Variants in LYN observed in about 807,000 individuals in gnomAD.
The protein encoded by LYN is tyrosine-protein kinase Lyn.
LYN carries 12 observed loss-of-function variants against 65.0 expected under a neutral mutation model. That is an observed-to-expected ratio of 0.18 (90% confidence interval 0.12 to 0.30). The LOEUF is 0.30. Ranked by LOEUF, LYN falls within the 10% of genes least tolerant of loss-of-function variation. LYN has a pLI of 1.00. For synonymous variants in LYN, 222 were observed against 221.2 expected (o/e 1.00, Z -0.03); for missense variants, 380 against 623.2 (o/e 0.61, Z 4.16).
At chr8:55,984,016 C>A (rs904623796) in intron 10 of LYN, among the ~76,000 whole-genome samples, 1 of 152,104 alleles carries the variant, frequency 6.6e-6, no homozygotes, top group Non-Finnish European at 1.5e-5. Flanking sequence ...CTGGCAGCTC[C>A]GATGTTCCAT....
Position 55,895,801 on chromosome 8 carries a change from G to T in LYN, c.-6+15698G>T, listed in dbSNP as rs538115510. On this transcript the variant is annotated intron_variant, in intron 1 of 12. Coordinates refer to ENST00000519728, the MANE Select transcript of LYN (RefSeq NM_002350.4). Reference sequence around the variant, plus strand: ...AGGATTAAACGGGGTAATGTACCTGGGAGTTCCTTGAAGAGTCTAATTTTC... The same window carrying T: ...AGGATTAAACGGGGTAATGTACCTGTGAGTTCCTTGAAGAGTCTAATTTTC... 3.9e-5 allele frequency: 6 copies of T among 152,170 alleles called. No homozygotes were observed. The South Asian group carries it at 1.2e-3, about 32-fold the overall frequency. 9.4% of individuals were successfully genotyped at this position (152,170 alleles called of 1,614,324 possible).
chr8:55,954,532 A>G (rs898644908), intron 8 of LYN, among the ~76,000 whole-genome samples: 1 of 152,188 alleles, frequency 6.6e-6, no homozygotes, highest in African/African-American at 2.4e-5. Flanking sequence ...TCATCTACCT[A>G]CTTTAAAAAA....
intron 12 of LYN, among the ~76,000 whole-genome samples, chr8:56,000,510 C>T (rs184825691): frequency 2.7e-3 from 411 of 151,770 alleles, no homozygotes; most frequent in Non-Finnish European, 4.7e-3. Context: ...GGGTGAATCA[C>T]GAGGTCAGGA....
At position 55,887,614 on chromosome 8, in the gene LYN, A is replaced by ATT. The variant is rs66536728; in HGVS notation, c.-6+7520_-6+7521dup. Among the ~76,000 whole-genome samples the ATT allele has an allele frequency of 8.8e-5, 11 of 124,642 alleles. 1 individual carries two copies. Among genetic ancestry groups the ATT allele is most frequent in the African/African-American group, 1.7e-4 (6 of 34,448 alleles). The allele number at this position is 124,642 out of a possible 152,430, so 81.8% of individuals were successfully genotyped here. ...CACACACACACACACATATATATAT[A>ATT]TTTTTTTTTTCCTGAGACAGAGTCT... On this transcript the variant is annotated intron_variant, in intron 1 of 12. Coordinates refer to ENST00000519728, the MANE Select transcript of LYN (RefSeq NM_002350.4).
intron 8 of LYN, among the ~76,000 whole-genome samples, chr8:55,961,821 TCGACC>T (rs1807285130): frequency 6.6e-6 from 1 of 152,158 alleles, no homozygotes. Flanking sequence ...AACTGGTGTG[TCGACC>T]TCTGAGAGGA....
At chr8:55,940,064 CG>C (rs1349924103) in intron 1 of LYN, among the ~76,000 whole-genome samples, 2 of 152,212 alleles carry the variant, frequency 1.3e-5, no homozygotes, top group African/African-American at 4.8e-5. Context: ...GGCCTGGACG[CG>C]TGGCAGCGAT....
chr8:55,898,398 C>T (rs1372497423), intron 1 of LYN, among the ~76,000 whole-genome samples: 2 of 152,164 alleles, frequency 1.3e-5, no homozygotes, highest in Admixed American at 1.3e-4. Flanking sequence ...AAGCAATCCT[C>T]CCATCTCAGC....
At chr8:55,917,841 A>G (rs962803959) in intron 1 of LYN, among the ~76,000 whole-genome samples, 2 of 152,354 alleles carry the variant, frequency 1.3e-5, no homozygotes, top group Admixed American at 6.5e-5. Flanking sequence ...GATTTTCCCA[A>G]ATCTCCTGAT....
rs538632910 is a variant in LYN, at chr8:55,979,713, C to T, written c.1050+9920C>T. ...CAGGCCTCCACCCAGCACAGCTCTGCAGATCTCACCCTGATTCAGCGTCAC... is the reference window on the plus strand; with the variant it reads ...CAGGCCTCCACCCAGCACAGCTCTGTAGATCTCACCCTGATTCAGCGTCAC... On this transcript the variant is annotated intron_variant, in intron 10 of 12. Coordinates refer to ENST00000519728, the MANE Select transcript of LYN (RefSeq NM_002350.4). 5.8e-4 allele frequency among the ~76,000 whole-genome samples: 88 copies of T among 152,310 alleles called. 1 individual carries two copies. The highest frequency in any genetic ancestry group is 2.0e-3 in the African/African-American group (83 of 41,560).
intron 10 of LYN, among the ~76,000 whole-genome samples, chr8:55,993,046 G>T (rs544311405): frequency 3.3e-5 from 5 of 152,150 alleles, no homozygotes; most frequent in African/African-American, 1.2e-4. Flanking sequence ...GATCCCTTAG[G>T]GGTGATAAAA....
At chr8:55,972,769 T>C (rs1459575070) in intron 10 of LYN, among the ~76,000 whole-genome samples, 1 of 152,230 alleles carries the variant, frequency 6.6e-6, no homozygotes, top group Non-Finnish European at 1.5e-5. Context: ...GGGGCCCAGA[T>C]ACTTCGATAA....
At chr8:55,948,828 A>T (rs560220677) in intron 4 of LYN, among the ~76,000 whole-genome samples, 1 of 152,316 alleles carries the variant, frequency 6.6e-6, no homozygotes, top group East Asian at 1.9e-4. Flanking sequence ...ATAAAATGGG[A>T]ATGACAGTAC....
chr8:55,980,546 C>T (rs893886126), intron 10 of LYN: 2 of 152,278 alleles, frequency 1.3e-5, no homozygotes, highest in Non-Finnish European at 2.9e-5. Flanking sequence ...ACAGTTGCTT[C>T]TTAACTGGTG....
chr8:55,890,846 G>A (rs1804938786), intron 1 of LYN, among the ~76,000 whole-genome samples: 2 of 151,540 alleles, frequency 1.3e-5, no homozygotes, highest in African/African-American at 2.4e-5. Context: ...TCCCACCTCA[G>A]CCTCTTGAGT....
intron 10 of LYN, among the ~76,000 whole-genome samples, chr8:55,970,655 C>T (rs182695012): frequency 1.3e-5 from 2 of 152,110 alleles, no homozygotes; most frequent in South Asian, 4.1e-4. Context: ...GAAATTGCTA[C>T]GGCCTTCTTG....
chr8:55,911,969 G>C (rs1805652010), intron 1 of LYN, among the ~76,000 whole-genome samples: 1 of 152,066 alleles, frequency 6.6e-6, no homozygotes, highest in African/African-American at 2.4e-5. Flanking sequence ...TTCTGAGTGA[G>C]CTCAATATCG....
intron 1 of LYN, among the ~76,000 whole-genome samples, chr8:55,921,659 C>A (rs551374322): frequency 1.4e-4 from 21 of 152,024 alleles, no homozygotes; most frequent in Admixed American, 5.2e-4. Flanking sequence ...GTGATGCCAC[C>A]GTGCCAATTA....
intron 2 of LYN, among the ~76,000 whole-genome samples, chr8:55,944,653 G>T (rs1036946955): frequency 6.6e-6 from 1 of 152,058 alleles, no homozygotes; most frequent in African/African-American, 2.4e-5. Context: ...GCTAATTTTT[G>T]TATTTTTAGT....
intron 9 of LYN, 24 bp from the exon 10 acceptor site, chr8:55,969,693 A>G (rs1258295937): frequency 8.8e-6 from 14 of 1,583,826 alleles, no homozygotes; most frequent in South Asian, 1.1e-5. Context: ...GGAATGCACT[A>G]ACTTGTTCTT....
Sources: gnomAD v4.1 joint callset for allele counts (sites outside exome capture counted in the v4.1 genomes callset) on GRCh38, gnomAD v4.1.1 for gene constraint, MANE v1.5 for transcripts, NCBI Gene and HGNC (gene_info 2026-07-23, HGNC 2026-07-21) for gene names.